Variants in RAD21 observed in about 807,000 individuals in gnomAD.
The protein encoded by RAD21 is double-strand-break repair protein rad21 homolog.
Under a neutral mutation model 71.5 loss-of-function variants are expected in RAD21, and 18 were observed. The ratio of observed to expected loss-of-function variants is 0.25; its 90% confidence interval spans 0.17 to 0.37. The LOEUF (loss-of-function observed/expected upper bound fraction) is 0.37. Ranked by LOEUF, RAD21 falls within the 10% of genes least tolerant of loss-of-function variation. RAD21 has a pLI of 1.00. For missense variants in RAD21, 493 were observed against 769.1 expected, an observed-to-expected ratio of 0.64 and a Z score of 4.25; for synonymous variants, 248 against 254.0, an observed-to-expected ratio of 0.98 and a Z score of 0.22.
At chr8:116,857,872 C>T (rs533547248) in intron 5 of RAD21, among the ~76,000 whole-genome samples, 3 of 152,284 alleles carry the variant, frequency 2.0e-5, no homozygotes, top group Admixed American at 6.5e-5. Flanking sequence ...CTACTTGAGG[C>T]TGAAGTGGGA....
intron 12 of RAD21, among the ~76,000 whole-genome samples, chr8:116,849,952 G>A (rs983099557): frequency 6.6e-6 from 1 of 151,630 alleles, no homozygotes; most frequent in African/African-American, 2.4e-5. Flanking sequence ...AAATTTAAAG[G>A]TTTAAGTAAC....
rs1420671016 is a variant in RAD21 at position 116,864,700 on chromosome 8, C to T, written c.145-1441G>A. ...ACAAAGGAGGGAAAAAAAACCTCTG[C>T]TATTATCTTATCTAGAACTAGCAAC... On this transcript the variant is annotated intron_variant, in intron 2 of 13. Transcript: ENST00000297338. Among the ~76,000 whole-genome samples, 4 of 152,222 alleles carry T rather than the reference C, an allele frequency of 2.6e-5. No homozygotes were observed. The East Asian group carries it at 5.8e-4, about 22-fold the overall frequency.
At chr8:116,863,716 C>G (rs769921009) in intron 2 of RAD21, among the ~76,000 whole-genome samples, 3 of 152,020 alleles carry the variant, frequency 2.0e-5, no homozygotes, top group Non-Finnish European at 2.9e-5. Context: ...GATTTCCCCC[C>G]CAAAAGAACA....
chr8:116,856,547 C>T, intron 7 of RAD21, 99 bp downstream of exon 7: 3 of 1,313,894 alleles, frequency 2.3e-6, no homozygotes, highest in Non-Finnish European at 3.0e-6. Context: ...ATTTATAATT[C>T]ACTAAAAACT....
chr8:116,863,575 T>C (rs1259024459), intron 2 of RAD21, among the ~76,000 whole-genome samples: 1 of 152,126 alleles, frequency 6.6e-6, no homozygotes, highest in Admixed American at 6.6e-5. Flanking sequence ...CTGATTTTGT[T>C]TGAGAAGCAA....
chr8:116,851,434 C>G (rs955560053), intron 11 of RAD21: 1 of 152,220 alleles, frequency 6.6e-6, no homozygotes, highest in Non-Finnish European at 1.5e-5. Context: ...TCCCTTTGCA[C>G]AAATTCATTT....
intron 13 of RAD21, among the ~76,000 whole-genome samples, chr8:116,848,312 G>C (rs1432383369): frequency 1.3e-5 from 2 of 152,092 alleles, no homozygotes; most frequent in South Asian, 2.1e-4. Flanking sequence ...ATCCAAATAA[G>C]AAAGTCCAAG....
intron 1 of RAD21, among the ~76,000 whole-genome samples, chr8:116,871,312 A>C (rs1036357896): frequency 6.6e-6 from 1 of 152,220 alleles, no homozygotes; most frequent in Non-Finnish European, 1.5e-5. Flanking sequence ...AGCACAACTT[A>C]GCATTTCATG....
chr8:116,859,009 G>A (rs992229194), intron 4 of RAD21, among the ~76,000 whole-genome samples: 89 of 151,330 alleles, frequency 5.9e-4, no homozygotes, highest in Non-Finnish European at 2.7e-4. Flanking sequence ...AATAGGAGGC[G>A]GCAAAGCTGT....
At position 116,854,236 on chromosome 8, in the gene RAD21, C is replaced by T. The variant is rs550840858; in HGVS notation, c.1161+9G>A. 2.1e-5 allele frequency: 34 copies of T among 1,594,460 alleles called. No individual in the cohort carries two copies. Among genetic ancestry groups the T allele is most frequent in the Non-Finnish European group, 2.8e-5 (33 of 1,165,700 alleles). On this transcript the variant is annotated intron_variant, in intron 9 of 13. Transcript: ENST00000297338. ...GTATATGAAGTAAAAATTCTGCAAACTATATTACCTTCAGTAGTCTGTTAT... is the reference window on the plus strand; with the variant it reads ...GTATATGAAGTAAAAATTCTGCAAATTATATTACCTTCAGTAGTCTGTTAT...
At chr8:116,870,530 C>T (rs1285663416) in intron 1 of RAD21, among the ~76,000 whole-genome samples, 1 of 152,192 alleles carries the variant, frequency 6.6e-6, no homozygotes, top group African/African-American at 2.4e-5. Context: ...AAGAGAGCCT[C>T]CTATGTTTCA....
At chr8:116,865,605 C>T (rs1006169614) in intron 2 of RAD21, among the ~76,000 whole-genome samples, 2 of 152,014 alleles carry the variant, frequency 1.3e-5, no homozygotes, top group African/African-American at 4.8e-5. Context: ...CACTTAAGGG[C>T]GTGAACAAAC....
chr8:116,859,424 G>C (rs182607456), intron 4 of RAD21, among the ~76,000 whole-genome samples: 1 of 151,920 alleles, frequency 6.6e-6, no homozygotes, highest in African/African-American at 2.4e-5. Context: ...GTAGACATGG[G>C]GGGGCGGGAT....
At chr8:116,867,645 T>C (rs1011561024) in intron 1 of RAD21, among the ~76,000 whole-genome samples, 2 of 152,368 alleles carry the variant, frequency 1.3e-5, no homozygotes, top group Non-Finnish European at 1.5e-5. Flanking sequence ...ACAAATCTAT[T>C]GTTCTGATTT....
At chr8:116,859,758 T>C (rs879901717) in intron 4 of RAD21, among the ~76,000 whole-genome samples, 14 of 152,122 alleles carry the variant, frequency 9.2e-5, no homozygotes, top group Admixed American at 8.5e-4. Flanking sequence ...TGGCTACTAT[T>C]TGTTCAAGTA....
chr8:116,862,819 G>A (rs1474349476), intron 3 of RAD21, among the ~76,000 whole-genome samples: 1 of 152,052 alleles, frequency 6.6e-6, no homozygotes, highest in African/African-American at 2.4e-5. Context: ...ATAACAATTA[G>A]TTTCCAACAT....
At chr8:116,872,539 T>C (rs895378021) in intron 1 of RAD21, among the ~76,000 whole-genome samples, 27 of 148,354 alleles carry the variant, frequency 1.8e-4, no homozygotes, top group East Asian at 7.9e-4. Flanking sequence ...TATATATACA[T>C]ACACACACAC....
Position 116,857,364 on chromosome 8 carries a change from C to T in RAD21, c.591G>A (p.Gln197=). Residue 197 remains glutamine, a synonymous_variant, in exon 6 of 14, where the codon CAG becomes CAA. Coordinates refer to ENST00000297338, the MANE Select transcript of RAD21 (RefSeq NM_006265.3). ...TTSNLLLESE[Q]STSNLNEKIN... is the part of the protein sequence containing the mutation. ...TTTTCTCATTCAGATTGCTGGTGCT[C>T]TGTTCAGACTCTAATAGGAGGTTAG... The T allele has an allele frequency of 6.2e-7, 1 of 1,612,934 alleles. No individual in the cohort carries two copies. The highest frequency in any genetic ancestry group is 1.1e-5 in the South Asian group (1 of 91,042).
At chr8:116,862,831 T>G (rs538477281) in intron 3 of RAD21, among the ~76,000 whole-genome samples, 39 of 152,252 alleles carry the variant, frequency 2.6e-4, no homozygotes, top group Non-Finnish European at 5.0e-4. Context: ...TTCCAACATT[T>G]TAACCTCTTG....
Sources: gnomAD v4.1 joint callset for allele counts (sites outside exome capture counted in the v4.1 genomes callset) on GRCh38, gnomAD v4.1.1 for gene constraint, MANE v1.5 for transcripts, NCBI Gene and HGNC (gene_info 2026-07-23, HGNC 2026-07-21) for gene names.